The following SLC39A10 variants were observed in gnomAD, a reference collection of about 807,000 sequenced individuals.
SLC39A10 encodes solute carrier family 39 member 10.
Under a neutral mutation model 65.1 loss-of-function variants are expected in SLC39A10, and 13 were observed. That is an observed-to-expected ratio of 0.20 (90% CI 0.13 to 0.32). SLC39A10 has a LOEUF of 0.32. Among genes scored for constraint, SLC39A10 ranks in the 10% least tolerant of loss-of-function variants. The pLI is 1.00. For missense variants in SLC39A10, 831 were observed against 1,018.4 expected (o/e 0.82, Z 2.50); for synonymous variants, 321 against 342.2 (o/e 0.94, Z 0.68).
At chr2:195,675,113 GC>G (rs1690031850) in intron 1 of SLC39A10, among the ~76,000 whole-genome samples, 1 of 152,102 alleles carries the variant, frequency 6.6e-6, no homozygotes, top group Admixed American at 6.5e-5. Context: ...GTAAAGAGAG[GC>G]TTGAGGGAAA....
At chr2:195,678,891 A>G (rs1248491425) in intron 1 of SLC39A10, among the ~76,000 whole-genome samples, 2 of 152,206 alleles carry the variant, frequency 1.3e-5, no homozygotes, top group African/African-American at 4.8e-5. Context: ...TAAATAGAAT[A>G]GTATGAAATT....
At chr2:195,713,075 A>G (rs1440394115) in intron 5 of SLC39A10, among the ~76,000 whole-genome samples, 2 of 152,218 alleles carry the variant, frequency 1.3e-5, no homozygotes, top group Admixed American at 1.3e-4. Context: ...TGAAATTCAA[A>G]CAAGCTTTAG....
intron 9 of SLC39A10, among the ~76,000 whole-genome samples, chr2:195,734,523 C>T (rs921692945): frequency 7.2e-5 from 11 of 152,012 alleles, no homozygotes; most frequent in Non-Finnish European, 1.0e-4. Flanking sequence ...TTGTGGTGAT[C>T]GGTTTTTGGA....
At chr2:195,646,947 T>TG (rs1001399794) in intron 2 of SLC39A10, among the ~76,000 whole-genome samples, 1 of 152,150 alleles carries the variant, frequency 6.6e-6, no homozygotes, top group African/African-American at 2.4e-5. Flanking sequence ...CCAAAAAGGT[T>TG]GGGGGACTGC....
intron 2 of SLC39A10, among the ~76,000 whole-genome samples, chr2:195,643,802 T>G (rs144446594): frequency 5.9e-5 from 9 of 152,364 alleles, no homozygotes; most frequent in South Asian, 2.1e-4. Flanking sequence ...AGTTGATGTA[T>G]CTCTGCTAAA....
chr2:195,716,875 C>T lies in SLC39A10; in HGVS notation c.1935C>T (p.His645=). The T allele has an allele frequency of 6.2e-7, 1 of 1,614,186 alleles. No individual in the cohort carries two copies. Among genetic ancestry groups the T allele is most frequent in the African/African-American group, 1.3e-5 (1 of 75,036 alleles). Residue 645 remains histidine (H), a synonymous_variant, in exon 7 of 10, where the codon CAC becomes CAT. Coordinates refer to ENST00000359634, the MANE Select transcript of SLC39A10 (RefSeq NM_020342.3). The stretch of plus-strand genomic sequence containing the variant: ...GGAAGCATAATCACCAGTGGCACCA[C>T]AAGCATTCTCATCATTCCCATGGCC... ...VLRKHNHQWH[H]KHSHHSHGPC... is the part of the protein sequence containing the mutation.
At position 195,683,803 on chromosome 2, in the gene SLC39A10, C is replaced by T. The variant is rs374685368; in HGVS notation, c.1113C>T (p.Ile371=). 3.7e-6 allele frequency: 6 copies of T among 1,612,972 alleles called. No individual in the cohort carries two copies. Among genetic ancestry groups the T allele is most frequent in the Admixed American group, 1.7e-5 (1 of 59,986 alleles). The change falls in exon 3 of 10, where the codon ATC becomes ATT. Residue 371 remains isoleucine (I), a synonymous_variant. Coordinates refer to ENST00000359634, the MANE Select transcript of SLC39A10 (RefSeq NM_020342.3). ...TYLCPALLYQ[I]DSRLCIEHFD... ...TTTGCCCTGCATTGTTATATCAAAT[C>T]GACAGCAGACTTTGTATTGAGCATT...
intron 2 of SLC39A10, among the ~76,000 whole-genome samples, chr2:195,646,293 C>T (rs1237688038): frequency 6.6e-6 from 1 of 151,556 alleles, no homozygotes; most frequent in Admixed American, 6.6e-5. Context: ...CCCTGATGTG[C>T]CCAGCAATTC....
At chr2:195,683,515 G>A (rs530594067) in intron 2 of SLC39A10, among the ~76,000 whole-genome samples, 184 bp from the exon 3 acceptor site, 5 of 152,048 alleles carry the variant, frequency 3.3e-5, no homozygotes, top group Admixed American at 3.3e-4. Context: ...AAAGTTTTGG[G>A]TAATATAGTT....
Position 195,617,724 on chromosome 2 carries a change from CTTTTATTTTA to C in SLC39A10, c.-12+11502_-12+11511del, listed in dbSNP as rs746379517. On this transcript the variant is annotated intron_variant, in intron 2 of 2. Coordinates refer to the SLC39A10 transcript ENST00000458054. ...TGTTTCTTTTCTTTTCTTTTCTTTT[CTTTTATTTTA>C]TTTTATTTTACTTTATTTTATTTTT... Among the ~76,000 whole-genome samples, 348 of 145,196 alleles carry C rather than the reference CTTTTATTTTA, an allele frequency of 2.4e-3. 1 individual carries two copies. The highest frequency in any genetic ancestry group is 0.01 in the Middle Eastern group (3 of 290).
intron 2 of SLC39A10, among the ~76,000 whole-genome samples, chr2:195,629,278 C>T (rs908757091): frequency 6.6e-6 from 1 of 151,656 alleles, no homozygotes; most frequent in African/African-American, 2.4e-5. Flanking sequence ...CCTGTAGTCC[C>T]AGCTACTCAG....
intron 3 of SLC39A10, among the ~76,000 whole-genome samples, chr2:195,697,441 T>A (rs1285569490): frequency 6.6e-6 from 1 of 152,188 alleles, no homozygotes; most frequent in Non-Finnish European, 1.5e-5. Context: ...ACTCTTTTTT[T>A]AAATTTAACT....
intron 7 of SLC39A10, chr2:195,717,220 A>G (rs1691849260): frequency 8.4e-6 from 4 of 474,742 alleles, no homozygotes; most frequent in African/African-American, 2.0e-5. Flanking sequence ...TGTCTGTAGT[A>G]TATTTCTTTA....
rs77977339 is a variant in SLC39A10 at position 195,623,726 on chromosome 2, A to G, written c.-12+17493A>G. ...GGGCAAAATGAATTTACCATATTAT[A>G]CACTTTTATGTGTATTATTCTTTTT... On this transcript the variant is annotated intron_variant, in intron 2 of 2. Transcript: ENST00000458054. 2.1e-3 allele frequency among the ~76,000 whole-genome samples: 326 copies of G among 152,334 alleles called. 5 individuals carry two copies. Among genetic ancestry groups the G allele is most frequent in the African/African-American group, 7.5e-3 (311 of 41,576 alleles).
At chr2:195,635,074 A>G (rs888856813) in intron 2 of SLC39A10, among the ~76,000 whole-genome samples, 9 of 152,216 alleles carry the variant, frequency 5.9e-5, no homozygotes, top group African/African-American at 2.2e-4. Flanking sequence ...AAAACAAAAA[A>G]CAAAACAAAA....
At chr2:195,690,468 T>A (rs1690695414) in intron 3 of SLC39A10, among the ~76,000 whole-genome samples, 1 of 152,232 alleles carries the variant, frequency 6.6e-6, no homozygotes, top group South Asian at 2.1e-4. Context: ...CTATTTTCCA[T>A]AATGGCTGTA....
chr2:195,731,808 G>T (rs576216001), intron 9 of SLC39A10, among the ~76,000 whole-genome samples: 201 of 152,274 alleles, frequency 1.3e-3, no homozygotes, highest in Non-Finnish European at 2.2e-3. Flanking sequence ...GAAGCAAGGG[G>T]AAGGGTCGTA....
At chr2:195,624,512 G>A (rs187211975) in intron 2 of SLC39A10, among the ~76,000 whole-genome samples, 3 of 152,128 alleles carry the variant, frequency 2.0e-5, no homozygotes, top group Admixed American at 2.0e-4. Context: ...TTGTTTCCAG[G>A]TATTAAAGAT....
intron 2 of SLC39A10, among the ~76,000 whole-genome samples, chr2:195,632,008 C>T (rs1688595264): frequency 1.3e-5 from 2 of 152,136 alleles, no homozygotes; most frequent in East Asian, 3.9e-4. Context: ...CCCACCTCAG[C>T]CTTCTGAGTA....
Sources: gnomAD v4.1 joint callset for allele counts (sites outside exome capture counted in the v4.1 genomes callset) on GRCh38, gnomAD v4.1.1 for gene constraint, MANE v1.5 for transcripts, NCBI Gene and HGNC (gene_info 2026-07-23, HGNC 2026-07-21) for gene names.